Variants in TECPR2 observed in about 807,000 individuals in gnomAD.
TECPR2 encodes the protein tectonin beta-propeller repeat-containing protein 2.
TECPR2 carries 65 observed loss-of-function variants against 138.1 expected under a neutral mutation model. The ratio of observed to expected loss-of-function variants is 0.47; its 90% CI spans 0.39 to 0.58. The LOEUF is 0.58. TECPR2 is among the 20% of genes least tolerant of loss of function. The pLI, the probability that TECPR2 is intolerant of heterozygous loss-of-function variation, is 0.00. For missense variants in TECPR2, 1,553 were observed against 1,824.5 expected (o/e 0.85, Z 2.71); for synonymous variants, 746 against 749.8 (o/e 0.99, Z 0.08).
intron 17 of TECPR2, among the ~76,000 whole-genome samples, chr14:102,478,162 C>T (rs1890808988): frequency 6.6e-6 from 1 of 151,752 alleles, no homozygotes; most frequent in African/African-American, 2.4e-5. Context: ...CCTCCCACCT[C>T]AGCCTCCCAA....
intron 16 of TECPR2, among the ~76,000 whole-genome samples, chr14:102,459,246 G>C (rs1890348901): frequency 6.6e-6 from 1 of 152,058 alleles, no homozygotes; most frequent in African/African-American, 2.4e-5. Flanking sequence ...AAAATGTCAG[G>C]GAAAGTCAGT....
At position 102,425,236 on chromosome 14, in the gene TECPR2, G is replaced by C. The variant is rs768580023; in HGVS notation, c.896G>C (p.Gly299Ala). 6.2e-7 allele frequency: 1 copy of C among 1,613,672 alleles called. No individual in the cohort carries two copies. The highest frequency in any genetic ancestry group is 1.7e-5 in the Admixed American group (1 of 59,988). ...CTTGTTTCATGTTTCTTTCAAGAAGGCTGGGTGCTGAGTTGGAATGAATAT... is the reference window on the plus strand; with the variant it reads ...CTTGTTTCATGTTTCTTTCAAGAAGCCTGGGTGCTGAGTTGGAATGAATAT... The part of the protein sequence containing the change: ...LGLVSCFFQE[G>A]WVLSWNEYSI... Residue 299 changes from glycine to alanine, a missense_variant, in exon 6 of 20, where the codon GGC becomes GCC. Transcript: ENST00000359520.
intron 7 of TECPR2, among the ~76,000 whole-genome samples, chr14:102,431,484 C>T (rs552490671): frequency 1.3e-3 from 204 of 151,974 alleles, no homozygotes; most frequent in Admixed American, 5.2e-4. Flanking sequence ...CTGGGACCCC[C>T]GGCGCCCGCC....
At chr14:102,437,101 T>A (rs936305982) in intron 9 of TECPR2, 2 of 985,314 alleles carry the variant, frequency 2.0e-6, no homozygotes, top group Non-Finnish European at 2.4e-6. Flanking sequence ...AGACTTGCCA[T>A]GGTGAGCAGG....
intron 17 of TECPR2, among the ~76,000 whole-genome samples, chr14:102,469,082 C>T (rs1890610206): frequency 6.6e-6 from 1 of 151,986 alleles, no homozygotes; most frequent in Admixed American, 6.5e-5. Flanking sequence ...TACATGGAGC[C>T]CCTCCTACAT....
At chr14:102,379,679 T>C (rs55678241) in intron 2 of TECPR2, among the ~76,000 whole-genome samples, 2 of 97,724 alleles carry the variant, frequency 2.0e-5, no homozygotes, top group African/African-American at 3.8e-5. Flanking sequence ...CACAGAGGCA[T>C]CTTAGTCACA....
At chr14:102,447,039 T>C (rs8017567) in intron 13 of TECPR2, among the ~76,000 whole-genome samples, 1 of 152,186 alleles carries the variant, frequency 6.6e-6, no homozygotes. Flanking sequence ...CAGGAGAATT[T>C]TCCCACGTGC....
chr14:102,496,861 CG>C, intron 17 of TECPR2, 117 bp from the exon 18 acceptor site: 1 of 1,476,724 alleles, frequency 6.8e-7, no homozygotes, highest in South Asian at 1.3e-5. Flanking sequence ...CTGCCTCCTG[CG>C]GGGCCCACAC....
rs548676843 is a variant in TECPR2, at chr14:102,419,884, G to A, written c.638+5091G>A. ...AGCACTTTGCCCTGGGGAAGGAGAA[G>A]GAGACGCAGCAATCTGTAGGTGTGG... is the stretch of plus-strand genomic sequence containing the variant. On this transcript the variant is annotated intron_variant, in intron 5 of 19. Transcript: ENST00000359520. This position sits in a 1 kb window ranked among gnomAD's most constrained non-coding sequence, Gnocchi z 4.8. Among the ~76,000 whole-genome samples the A allele has an allele frequency of 3.0e-4, 46 of 152,312 alleles. No homozygotes were observed. Among genetic ancestry groups the A allele is most frequent in the South Asian group, 6.2e-4 (3 of 4,826 alleles).
chr14:102,424,856 A>C lies in TECPR2; in HGVS notation c.639-123A>C. The C allele has an allele frequency of 3.0e-6, 3 of 1,001,016 alleles. No homozygotes were observed. In the South Asian group the frequency reaches 5.1e-5, roughly 17 times the overall value. The allele number at this position is 1,001,016 out of a possible 1,614,324, so 62.0% of individuals were successfully genotyped here. ...AAAAAACAAACAGTAGAAAGGGTGA[A>C]AAATCAATTATTGTCTTAGCCAAAA... On this transcript the variant is annotated intron_variant, in intron 5 of 19. Transcript: ENST00000359520.
chr14:102,449,304 G>T (rs1397181330), intron 13 of TECPR2, among the ~76,000 whole-genome samples: 3 of 152,346 alleles, frequency 2.0e-5, no homozygotes, highest in South Asian at 2.1e-4. Context: ...CTTAGAAGGG[G>T]TGTGAGGGGG....
chr14:102,499,099 C>T lies in TECPR2; in HGVS notation c.*842C>T. ...CAGGCTGCCCGCCTCCTGGAGAGCA[C>T]ACTTCAGCTGAAACAGTAAAGCCTG... On this transcript the variant is annotated 3_prime_UTR_variant, in exon 20 of 20. Coordinates refer to ENST00000359520, the MANE Select transcript of TECPR2 (RefSeq NM_014844.5). 1 of 703,040 alleles carries T rather than the reference C, an allele frequency of 1.4e-6. No homozygotes were observed. The highest frequency in any genetic ancestry group is 2.6e-6 in the Non-Finnish European group (1 of 384,988). The allele number at this position is 703,040 out of a possible 1,614,324, so 43.6% of individuals were successfully genotyped here.
chr14:102,369,970 C>G (rs1887458836), intron 1 of TECPR2, among the ~76,000 whole-genome samples: 1 of 151,826 alleles, frequency 6.6e-6, no homozygotes, highest in South Asian at 2.1e-4. Flanking sequence ...AATAAATAAA[C>G]AAACAAGCAA....
chr14:102,408,085 C>T (rs1888712790), intron 3 of TECPR2, among the ~76,000 whole-genome samples: 1 of 151,856 alleles, frequency 6.6e-6, no homozygotes, highest in Admixed American at 6.6e-5. Context: ...AGGAGAATCA[C>T]TTGAACCCGG....
intron 17 of TECPR2, among the ~76,000 whole-genome samples, chr14:102,495,628 C>A (rs916002625): frequency 3.9e-5 from 6 of 152,234 alleles, no homozygotes; most frequent in African/African-American, 1.4e-4. Flanking sequence ...GAGGACCTAG[C>A]AGCAGCAAAG....
intron 16 of TECPR2, among the ~76,000 whole-genome samples, chr14:102,456,185 C>T (rs1193805766): frequency 2.0e-5 from 3 of 152,200 alleles, no homozygotes; most frequent in Non-Finnish European, 4.4e-5. Flanking sequence ...ACACGTCTTG[C>T]TTGGGGGTGC....
intron 1 of TECPR2, among the ~76,000 whole-genome samples, chr14:102,365,656 A>G (rs1329386457): frequency 6.6e-6 from 1 of 152,228 alleles, no homozygotes; most frequent in Non-Finnish European, 1.5e-5. Context: ...TTTTGATGAA[A>G]TCTCCAGAAT....
chr14:102,407,339 G>A lies in TECPR2; in HGVS notation c.221G>A (p.Gly74Glu), dbSNP rs1888685753. The change falls in exon 3 of 20, where the codon GGG becomes GAG. Residue 74 changes from glycine to glutamate, a missense_variant and splice_region_variant. Physicochemically the swap from Gly to Glu is moderately conservative, Grantham distance 98. Transcript: ENST00000359520. ...CATTTGTTTTCAACGTTTCCCCAGG[G>A]GAAGACGGAATCTATCACTGTGGTG... ...LNQMRKYNFEGKTESITVVKL... is the reference protein window; with the variant it reads ...LNQMRKYNFEEKTESITVVKL... 1 of 1,599,094 alleles carries A rather than the reference G, an allele frequency of 6.3e-7. No individual in the cohort carries two copies. Among genetic ancestry groups the A allele is most frequent in the African/African-American group, 1.3e-5 (1 of 74,182 alleles).
At chr14:102,414,322 C>A (rs576343662) in intron 4 of TECPR2, among the ~76,000 whole-genome samples, 3 of 152,270 alleles carry the variant, frequency 2.0e-5, no homozygotes, top group Non-Finnish European at 4.4e-5. Context: ...CTGCATCATC[C>A]CTGAGCCTGC....
Sources: allele counts gnomAD v4.1 joint callset (sites outside exome capture counted in the v4.1 genomes callset), GRCh38; gene constraint gnomAD v4.1.1; non-coding constraint Gnocchi (gnomAD v3.1); transcripts MANE v1.5; gene names NCBI Gene and HGNC (gene_info 2026-07-23, HGNC 2026-07-21).